Variants in ZNF518A observed in about 807,000 individuals in gnomAD.
ZNF518A encodes the protein zinc finger protein 518A, also known as zinc finger protein 518.
Under a neutral mutation model 102.7 loss-of-function variants are expected in ZNF518A, and 47 were observed. The ratio of observed to expected loss-of-function variants is 0.46; its 90% CI spans 0.36 to 0.58. ZNF518A has a LOEUF of 0.58. ZNF518A is among the 20% of genes least tolerant of loss of function. ZNF518A has a pLI of 0.00. For missense variants in ZNF518A, 1,793 were observed against 1,699.8 expected, an observed-to-expected ratio of 1.05 and a Z score of -0.96; for synonymous variants, 652 against 594.6, an observed-to-expected ratio of 1.10 and a Z score of -1.40.
Position 96,159,528 on chromosome 10 carries a change from C to G in ZNF518A, c.3206C>G (p.Ser1069Cys), listed in dbSNP as rs1554886193. 2 of 1,613,738 alleles carry G rather than the reference C, an allele frequency of 1.2e-6. No individual in the cohort carries two copies. Among genetic ancestry groups the G allele is most frequent in the African/African-American group, 2.7e-5 (2 of 74,928 alleles). The change falls in exon 6 of 6, where the codon TCT (serine) becomes TGT (cysteine). Residue 1069 changes from serine to cysteine, a missense_variant. Physicochemically the swap from Ser to Cys is moderately radical, Grantham distance 112. Coordinates refer to ENST00000316045, the MANE Select transcript of ZNF518A (RefSeq NM_001330736.2). ...VKAVLIPNMLSEQQSTKLNIS... is the reference protein window; with the variant it reads ...VKAVLIPNMLCEQQSTKLNIS... ...GCTGTTCTTATTCCTAACATGCTAT[C>G]TGAGCAACAGAGCACTAAGTTGAAT... is the stretch of plus-strand genomic sequence containing the variant.
At chr10:96,182,482 T>C (rs1591278884) in intron 1 of ZNF518A, among the ~76,000 whole-genome samples, 1 of 152,160 alleles carries the variant, frequency 6.6e-6, no homozygotes. Flanking sequence ...CATAAATAGC[T>C]CTTATTATTT....
intron 3 of ZNF518A, among the ~76,000 whole-genome samples, chr10:96,136,021 A>C (rs2142341639): frequency 6.6e-6 from 1 of 152,244 alleles, no homozygotes; most frequent in African/African-American, 2.4e-5. Context: ...TCCAGGTTGG[A>C]GTGGAGATTG....
intron 1 of ZNF518A, chr10:96,199,405 C>A: frequency 2.7e-6 from 1 of 367,818 alleles, no homozygotes; most frequent in Non-Finnish European, 5.6e-6. Context: ...TTTAATCCTG[C>A]ACATTGATCC....
chr10:96,131,262 T>C (rs1456493672), intron 1 of ZNF518A, among the ~76,000 whole-genome samples: 1 of 152,252 alleles, frequency 6.6e-6, no homozygotes, highest in East Asian at 1.9e-4. Context: ...CTGGTAATTG[T>C]TGAATTGCTT....
At chr10:96,198,611 A>G (rs1464524230) in intron 1 of ZNF518A, among the ~76,000 whole-genome samples, 13 of 152,356 alleles carry the variant, frequency 8.5e-5, no homozygotes, top group Admixed American at 8.5e-4. Flanking sequence ...TAGTGGAGCA[A>G]CACTTTTCAA....
chr10:96,180,183 T>TTTTC (rs2083231447), intron 1 of ZNF518A, among the ~76,000 whole-genome samples: 3 of 59,182 alleles, frequency 5.1e-5, no homozygotes, highest in African/African-American at 1.5e-4. Context: ...CCAGCCTCTT[T>TTTTC]TTTTTTTTTT....
At chr10:96,146,012 T>C (rs1554878364) in intron 3 of ZNF518A, among the ~76,000 whole-genome samples, 1 of 152,236 alleles carries the variant, frequency 6.6e-6, no homozygotes, top group East Asian at 1.9e-4. Context: ...TGTATTCTTC[T>C]TGACTTTTAA....
In ZNF518A at chr10:96,130,451, A is replaced by C. The variant is rs1266447249; in HGVS notation, c.-754A>C. Among the ~76,000 whole-genome samples, 1 of 152,090 alleles carries C rather than the reference A, an allele frequency of 6.6e-6. No individual in the cohort carries two copies. The highest frequency in any genetic ancestry group is 2.4e-5 in the African/African-American group (1 of 41,414). Reference sequence around the variant, plus strand: ...TCCTACATTCTAGGAGCTGGGTGGGAGTAGGAGACGGTGTGCCTCCGCGCT... The same window carrying C: ...TCCTACATTCTAGGAGCTGGGTGGGCGTAGGAGACGGTGTGCCTCCGCGCT... On this transcript the variant is annotated 5_prime_UTR_variant, in exon 1 of 6. Transcript: ENST00000316045.
chr10:96,201,165 A>G, intron 1 of ZNF518A: 1 of 1,010,384 alleles, frequency 9.9e-7, no homozygotes, highest in East Asian at 2.5e-5. Context: ...ACATCCACCA[A>G]AAAAAATCCT....
rs774800852 is a variant in ZNF518A at position 96,159,048 on chromosome 10, C to T, written c.2726C>T (p.Thr909Ile). ...QLVKDKLRAT[T>I]QNLGSFYMQS... Reference sequence around the variant, plus strand: ...GTAAAAGACAAACTACGAGCCACCACACAAAATTTAGGTTCTTTTTATATG... The same window carrying T: ...GTAAAAGACAAACTACGAGCCACCATACAAAATTTAGGTTCTTTTTATATG... The change falls in exon 6 of 6, where the codon ACA (threonine) becomes ATA (isoleucine). Residue 909 changes from threonine to isoleucine, a missense_variant. Around this residue, in one of 3 missense-constraint regions of ZNF518A, gnomAD observed 1,741 missense variants for 1,622.6 expected, o/e 1.07. Coordinates refer to ENST00000316045, the MANE Select transcript of ZNF518A (RefSeq NM_001330736.2). 6.2e-7 allele frequency: 1 copy of T among 1,613,606 alleles called. No homozygotes were observed.
chr10:96,158,429 T>C lies in ZNF518A; in HGVS notation c.2107T>C (p.Leu703=). Residue 703 remains leucine, a synonymous_variant, in exon 6 of 6, where the codon TTA becomes CTA. Coordinates refer to ENST00000316045, the MANE Select transcript of ZNF518A (RefSeq NM_001330736.2). ...TAGCCTATTAGCATCTATTAGCCTT[T>C]TAAATGATAAAGATGGAACTTTAAA... The part of the protein sequence containing the change: ...PDSLLASISL[L]NDKDGTLKAK... 2.5e-6 allele frequency: 4 copies of C among 1,613,212 alleles called. No individual in the cohort carries two copies. Among genetic ancestry groups the C allele is most frequent in the Non-Finnish European group, 3.4e-6 (4 of 1,179,674 alleles).
downstream of ZNF518A, among the ~76,000 whole-genome samples, chr10:96,166,221 A>G (rs1443278543): frequency 6.6e-6 from 1 of 152,152 alleles, no homozygotes; most frequent in Non-Finnish European, 1.5e-5. Context: ...TTGTGGGCAA[A>G]TCTTCCCCAT....
intron 3 of ZNF518A, among the ~76,000 whole-genome samples, chr10:96,149,799 C>A (rs1302994009): frequency 2.0e-5 from 3 of 152,102 alleles, no homozygotes; most frequent in Non-Finnish European, 4.4e-5. Flanking sequence ...CCAGTCTTTT[C>A]TGCTTTTTTA....
intron 1 of ZNF518A, among the ~76,000 whole-genome samples, chr10:96,170,253 T>C (rs587655158): frequency 6.6e-6 from 1 of 152,362 alleles, no homozygotes; most frequent in Non-Finnish European, 1.5e-5. Context: ...CCAGTTGTTA[T>C]CTGTCACCCC....
At chr10:96,182,404 T>C (rs1376980966) in intron 1 of ZNF518A, among the ~76,000 whole-genome samples, 1 of 152,224 alleles carries the variant, frequency 6.6e-6, no homozygotes, top group Non-Finnish European at 1.5e-5. Flanking sequence ...ATCCCTGTCT[T>C]GTGCCAGTTT....
intron 3 of ZNF518A, among the ~76,000 whole-genome samples, chr10:96,138,734 C>G (rs782559590): frequency 6.6e-6 from 1 of 152,090 alleles, no homozygotes; most frequent in African/African-American, 2.4e-5. Flanking sequence ...ATGCTTAGAA[C>G]GTAGATGTGG....
At chr10:96,140,482 C>G (rs1383189970) in intron 3 of ZNF518A, among the ~76,000 whole-genome samples, 4 of 152,142 alleles carry the variant, frequency 2.6e-5, no homozygotes, top group Non-Finnish European at 5.9e-5. Context: ...AAATCAAAAT[C>G]TGCCTATTCT....
Position 96,159,963 on chromosome 10 carries a change from GC to G in ZNF518A, c.3644del (p.Pro1215GlnfsTer19). Reference protein sequence around the residue: ...NEIVITSTATCPESSEEPICV... With the variant: ...NEIVITSTATXPESSEEPICV... ...ATTGTGATAACTTCTACTGCAACAT[GC>G]CCAGAATCTTCTGAGGAACCAATAT... On this transcript the variant is annotated frameshift_variant, in exon 6 of 6. Coordinates refer to ENST00000316045, the MANE Select transcript of ZNF518A (RefSeq NM_001330736.2). LOFTEE classifies it high-confidence loss of function. 1 of 1,613,488 alleles carries G rather than the reference GC, an allele frequency of 6.2e-7. No individual in the cohort carries two copies. The highest frequency in any genetic ancestry group is 8.5e-7 in the Non-Finnish European group (1 of 1,179,704).
At chr10:96,198,456 CAG>C (rs1429846125) in intron 1 of ZNF518A, among the ~76,000 whole-genome samples, 1 of 152,142 alleles carries the variant, frequency 6.6e-6, no homozygotes, top group African/African-American at 2.4e-5. Context: ...ATTATCAACT[CAG>C]AGATATATTC....
Sources: gnomAD v4.1 joint callset for allele counts (sites outside exome capture counted in the v4.1 genomes callset) on GRCh38, gnomAD v4.1.1 for gene constraint, gnomAD v4.1.1 regional missense constraint, MANE v1.5 for transcripts, NCBI Gene and HGNC (gene_info 2026-07-23, HGNC 2026-07-21) for gene names.